NEK10: variants seen among roughly 807,000 people sequenced by gnomAD.
The protein encoded by NEK10 is serine/threonine-protein kinase Nek10.
In NEK10, 122 loss-of-function variants were observed where a neutral mutation model predicts 159.8. The observed-to-expected ratio is 0.76, with a 90% CI of 0.66 to 0.89. NEK10 has a LOEUF of 0.89. Among genes scored for constraint, NEK10 ranks in the 40% least tolerant of loss-of-function variants. The pLI is 0.00. For missense variants in NEK10, 1,342 were observed against 1,323.1 expected, an observed-to-expected ratio of 1.01 and a Z score of -0.22; for synonymous variants, 466 against 457.1, an observed-to-expected ratio of 1.02 and a Z score of -0.25.
At chr3:27,191,663 C>T (rs1453478258) in intron 26 of NEK10, among the ~76,000 whole-genome samples, 1 of 152,218 alleles carries the variant, frequency 6.6e-6, no homozygotes, top group African/African-American at 2.4e-5. Context: ...TTATTTCCTT[C>T]TCTGAATTAA....
chr3:27,346,038 C>A (rs1327384599), intron 4 of NEK10, 48 bp downstream of exon 4: 3 of 1,591,948 alleles, frequency 1.9e-6, no homozygotes, highest in Non-Finnish European at 2.6e-6. Context: ...AAACTGTGAG[C>A]TAAGCAGAAT....
intron 26 of NEK10, among the ~76,000 whole-genome samples, chr3:27,179,021 G>T (rs1947800929): frequency 6.6e-6 from 1 of 152,286 alleles, no homozygotes; most frequent in Non-Finnish European, 1.5e-5. Context: ...TCCTGCCTCG[G>T]TCTTCTGAGT....
In NEK10 at chr3:27,291,465, T is replaced by C. The variant is rs768481974; in HGVS notation, c.1476+19A>G. ...GACTACATAGCAGCCTGCCAAAATA[T>C]TGAAAACTCAGGACTTACCACTAAT... is the stretch of plus-strand genomic sequence containing the variant. On this transcript the variant is annotated intron_variant, in intron 17 of 35. Coordinates refer to ENST00000691995, the MANE Select transcript of NEK10 (RefSeq NM_001394966.1). The C allele has an allele frequency of 6.2e-7, 1 of 1,602,678 alleles. No homozygotes were observed. The highest frequency in any genetic ancestry group is 8.5e-7 in the Non-Finnish European group (1 of 1,169,804).
chr3:27,345,175 G>A (rs1297377100), intron 4 of NEK10, among the ~76,000 whole-genome samples: 1 of 152,130 alleles, frequency 6.6e-6, no homozygotes, highest in Non-Finnish European at 1.5e-5. Context: ...CAAAGGAAAG[G>A]TGTGTAACCT....
intron 23 of NEK10, among the ~76,000 whole-genome samples, chr3:27,234,058 A>G (rs1206131763): frequency 6.6e-6 from 1 of 152,146 alleles, no homozygotes; most frequent in Non-Finnish European, 1.5e-5. Context: ...AAGGCTTTCA[A>G]TAAAATTCAA....
chr3:27,264,335 CAAGAA>C (rs1262545051), intron 22 of NEK10, among the ~76,000 whole-genome samples: 2 of 151,990 alleles, frequency 1.3e-5, no homozygotes, highest in East Asian at 1.9e-4. Flanking sequence ...AAAGGCATGA[CAAGAA>C]AAGAAAACTA....
intron 5 of NEK10, among the ~76,000 whole-genome samples, chr3:27,332,909 A>G (rs530412662): frequency 6.6e-6 from 1 of 152,290 alleles, no homozygotes; most frequent in Non-Finnish European, 1.5e-5. Context: ...GAAGACCACA[A>G]TTTGTTTCCA....
rs535885294 is a variant in NEK10, at chr3:27,242,376, CAACT to C, written c.2090+13916_2090+13919del. Among the ~76,000 whole-genome samples the C allele has an allele frequency of 5.3e-5, 8 of 152,300 alleles. No homozygotes were observed. The East Asian group carries it at 1.5e-3, about 29-fold the overall frequency. On this transcript the variant is annotated intron_variant, in intron 23 of 35. Coordinates refer to ENST00000691995, the MANE Select transcript of NEK10 (RefSeq NM_001394966.1). Reference sequence around the variant, plus strand: ...CCATCCATCCTTCCATCCATCCATCCAACTATCTTCTCAATCCTCATAACAACCC... The same window carrying C: ...CCATCCATCCTTCCATCCATCCATCCATCTTCTCAATCCTCATAACAACCC...
rs901058221 is a variant in NEK10, at chr3:27,262,050, C to T, written c.2015-5679G>A. On this transcript the variant is annotated intron_variant, in intron 22 of 35. Transcript: ENST00000691995. ...ATCAGAGACTAGGATTGCAACCCCT[C>T]CCTTTTTTTGTTTTCCATTTGCTTG... Among the ~76,000 whole-genome samples, 4 of 152,130 alleles carry T rather than the reference C, an allele frequency of 2.6e-5. No homozygotes were observed. The East Asian group carries it at 7.7e-4, about 29-fold the overall frequency.
chr3:27,284,517 G>T, intron 22 of NEK10, 85 bp downstream of exon 22: 1 of 767,526 alleles, frequency 1.3e-6, no homozygotes, highest in Non-Finnish European at 2.3e-6. Flanking sequence ...ATTCCCATGA[G>T]TGCCAAAAGT....
rs1006506426 is a variant in NEK10, at chr3:27,361,271, T to C, written c.-38+7954A>G. 2.0e-5 allele frequency among the ~76,000 whole-genome samples: 3 copies of C among 152,242 alleles called. No homozygotes were observed. The South Asian group carries it at 6.2e-4, about 32-fold the overall frequency. On this transcript the variant is annotated intron_variant, in intron 1 of 35. Transcript: ENST00000691995. ...GCATAATGATATTTGTGGTATGCTA[T>C]GTCTGTGCCTTGCGTAGCTGCTACA... is the stretch of plus-strand genomic sequence containing the variant.
At chr3:27,112,007 C>T (rs1287507626) in intron 35 of NEK10, among the ~76,000 whole-genome samples, 2 of 152,168 alleles carry the variant, frequency 1.3e-5, no homozygotes, top group African/African-American at 4.8e-5. Flanking sequence ...AGCTTTCTTC[C>T]TTCCAACTCA....
chr3:27,302,651 A>C (rs1018794784), intron 12 of NEK10, among the ~76,000 whole-genome samples: 1 of 152,084 alleles, frequency 6.6e-6, no homozygotes, highest in Admixed American at 6.6e-5. Context: ...TGTTTTACAT[A>C]GTTACCATTT....
chr3:27,313,978 C>T (rs536320902), intron 7 of NEK10, among the ~76,000 whole-genome samples: 69 of 152,262 alleles, frequency 4.5e-4, no homozygotes, highest in African/African-American at 1.5e-3. Context: ...TCCCAAAGTG[C>T]GAGGATTACA....
intron 23 of NEK10, among the ~76,000 whole-genome samples, chr3:27,218,128 T>C (rs1213691228): frequency 6.6e-6 from 1 of 151,700 alleles, no homozygotes; most frequent in Admixed American, 6.6e-5. Context: ...GCAGTGTGGA[T>C]ACACTGGAAA....
At position 27,352,474 on chromosome 3, in the gene NEK10, G is replaced by T. The variant is rs1159497720; in HGVS notation, c.123C>A (p.Ser41Arg). The change falls in exon 3 of 36, where the codon AGC becomes AGA. Residue 41 changes from serine to arginine, a missense_variant. Physicochemically the swap from Ser to Arg is moderately radical, Grantham distance 110 (BLOSUM62 -1). Coordinates refer to ENST00000691995, the MANE Select transcript of NEK10 (RefSeq NM_001394966.1). The stretch of plus-strand genomic sequence containing the variant: ...TCTTTGAAAACGCTACCTGTTGTTT[G>T]CTTGATTGGACGTTCAAAAGGCACC... ...RLRCLLNVQS[S>R]KQQLPAINFD... is the part of the protein sequence containing the mutation. The T allele has an allele frequency of 2.5e-6, 4 of 1,608,826 alleles. No individual in the cohort carries two copies. The African/African-American group carries it at 4.0e-5, about 16-fold the overall frequency.
At chr3:27,293,134 A>G (rs1379463362) in intron 16 of NEK10, among the ~76,000 whole-genome samples, 1 of 152,046 alleles carries the variant, frequency 6.6e-6, no homozygotes, top group Non-Finnish European at 1.5e-5. Context: ...CTCCCCTTCA[A>G]ATGAGCTCCT....
chr3:27,256,305 A>T lies in NEK10; in HGVS notation c.2081T>A (p.Leu694Gln). ...SKLTSVVGTI[L>Q]YSCPEVLKSE... ...AAAGAATTGTCCTTACCAAGAATAC[A>T]GGATTGTTCCAACCACAGAGGTGAG... Residue 694 changes from leucine (L) to glutamine (Q), a missense_variant, in exon 23 of 36, where the codon CTG becomes CAG. Coordinates refer to ENST00000691995, the MANE Select transcript of NEK10 (RefSeq NM_001394966.1). The T allele has an allele frequency of 4.0e-6, 6 of 1,515,614 alleles. No individual in the cohort carries two copies. The highest frequency in any genetic ancestry group is 5.3e-6 in the Non-Finnish European group (6 of 1,127,654). The allele number at this position is 1,515,614 out of a possible 1,614,324, so 93.9% of individuals were successfully genotyped here. A position where few individuals can be genotyped will look rare whatever the true frequency, so the allele number is the denominator to read the frequency against.
chr3:27,152,532 C>A (rs753241091), intron 30 of NEK10, among the ~76,000 whole-genome samples: 1 of 152,002 alleles, frequency 6.6e-6, no homozygotes, highest in Non-Finnish European at 1.5e-5. Flanking sequence ...CACATCAAAA[C>A]AGCACCTACT....
Sources: allele counts gnomAD v4.1 joint callset (sites outside exome capture counted in the v4.1 genomes callset), GRCh38; gene constraint gnomAD v4.1.1; transcripts MANE v1.5; gene names NCBI Gene and HGNC (gene_info 2026-07-23, HGNC 2026-07-21).